Variants in EYA1 observed in about 807,000 individuals in gnomAD.
EYA1 encodes protein phosphatase EYA1.
EYA1 carries 16 observed loss-of-function variants against 82.0 expected under a neutral mutation model. The ratio of observed to expected loss-of-function variants is 0.20; its 90% CI spans 0.13 to 0.30. The LOEUF (loss-of-function observed/expected upper bound fraction) is 0.30, where lower values mean the gene tolerates loss of function less well. Ranked by LOEUF, EYA1 falls within the 10% of genes least tolerant of loss-of-function variation. EYA1 has a pLI of 1.00. For missense variants in EYA1, 633 were observed against 730.7 expected (o/e 0.87, Z 1.54); for synonymous variants, 261 against 264.4 (o/e 0.99, Z 0.12).
chr8:71,250,762 T>C (rs1440753650), intron 11 of EYA1, among the ~76,000 whole-genome samples: 1 of 152,190 alleles, frequency 6.6e-6, no homozygotes, highest in African/African-American at 2.4e-5. Context: ...TATATCCTTA[T>C]CTGTATATCC....
upstream of EYA1, among the ~76,000 whole-genome samples, chr8:71,365,775 T>C (rs12543430): frequency 0.61 from 92,971 of 151,956 alleles, 28,762 homozygotes; most frequent in Middle Eastern, 0.7. Flanking sequence ...CCCACCAGCA[T>C]GAGACCTACA....
intron 2 of EYA1, among the ~76,000 whole-genome samples, chr8:71,451,315 A>AT (rs1289308942): frequency 6.6e-6 from 1 of 152,226 alleles, no homozygotes; most frequent in Non-Finnish European, 1.5e-5. Flanking sequence ...ACAGAAGAAT[A>AT]TTTTTTAAAA....
chr8:71,512,476 CAG>C (rs1812677219), intron 2 of EYA1, among the ~76,000 whole-genome samples: 2 of 149,818 alleles, frequency 1.3e-5, no homozygotes, highest in African/African-American at 4.9e-5. Flanking sequence ...TAGGAAGAAA[CAG>C]GAGAAAAAAA....
intron 2 of EYA1, chr8:71,529,475 T>C (rs977027119): frequency 1.3e-5 from 2 of 152,132 alleles, no homozygotes; most frequent in African/African-American, 4.8e-5. Context: ...AAGGGTTAAA[T>C]CTCCCCATCT....
At chr8:71,226,131 A>G (rs2128873497) in intron 12 of EYA1, among the ~76,000 whole-genome samples, 1 of 152,286 alleles carries the variant, frequency 6.6e-6, no homozygotes, top group Non-Finnish European at 1.5e-5. Flanking sequence ...ATTATGGTAA[A>G]TATTTGAGAT....
At chr8:71,445,415 C>T (rs1806801618) in intron 2 of EYA1, among the ~76,000 whole-genome samples, 1 of 152,076 alleles carries the variant, frequency 6.6e-6, no homozygotes, top group Non-Finnish European at 1.5e-5. Context: ...TAAAAACTAT[C>T]GGTTAAGTAA....
At chr8:71,274,607 A>C (rs1319244045) in intron 9 of EYA1, among the ~76,000 whole-genome samples, 1 of 152,218 alleles carries the variant, frequency 6.6e-6, no homozygotes, top group Non-Finnish European at 1.5e-5. Flanking sequence ...TGTAGCAAAC[A>C]GACATGGTTC....
At chr8:71,503,146 A>G (rs1368342019) in intron 2 of EYA1, among the ~76,000 whole-genome samples, 1 of 152,116 alleles carries the variant, frequency 6.6e-6, no homozygotes, top group Non-Finnish European at 1.5e-5. Flanking sequence ...TTCACTAAAT[A>G]CTTAATAAAG....
intron 2 of EYA1, among the ~76,000 whole-genome samples, chr8:71,518,674 T>A (rs1383391753): frequency 1.3e-5 from 2 of 152,054 alleles, no homozygotes; most frequent in Admixed American, 6.6e-5. Flanking sequence ...ATCAACCCAA[T>A]GCAAAAACAA....
chr8:71,279,128 C>A (rs1011811750), intron 9 of EYA1, among the ~76,000 whole-genome samples: 5 of 152,116 alleles, frequency 3.3e-5, no homozygotes, highest in African/African-American at 1.2e-4. Context: ...TTCATGAAAT[C>A]CTTAGAAAGA....
chr8:71,466,414 G>A (rs2129196224), intron 2 of EYA1, among the ~76,000 whole-genome samples: 1 of 152,214 alleles, frequency 6.6e-6, no homozygotes, highest in African/African-American at 2.4e-5. Flanking sequence ...GAAGAGAATA[G>A]CACTTAAAAT....
chr8:71,445,688 G>A (rs1806819125), intron 2 of EYA1, among the ~76,000 whole-genome samples: 1 of 152,068 alleles, frequency 6.6e-6, no homozygotes, highest in South Asian at 2.1e-4. Flanking sequence ...CCAGGCTGGA[G>A]TGTGCAGTGG....
intron 4 of EYA1, among the ~76,000 whole-genome samples, chr8:71,329,065 T>C (rs896038767): frequency 2.6e-5 from 4 of 152,192 alleles, no homozygotes; most frequent in Admixed American, 2.0e-4. Context: ...AGACCGAGGA[T>C]TAATCCCATA....
At chr8:71,411,539 A>C (rs1248147040) in intron 2 of EYA1, among the ~76,000 whole-genome samples, 1 of 148,314 alleles carries the variant, frequency 6.7e-6, no homozygotes, top group African/African-American at 2.5e-5. Context: ...TGCAAGAAAA[A>C]AACAAACAAC....
At chr8:71,349,161 C>T (rs1363499357) in intron 3 of EYA1, among the ~76,000 whole-genome samples, 3 of 152,134 alleles carry the variant, frequency 2.0e-5, no homozygotes, top group African/African-American at 7.2e-5. Context: ...ACAATGTGCA[C>T]CTGGACCACA....
intron 12 of EYA1, among the ~76,000 whole-genome samples, chr8:71,219,237 T>C (rs1165228588): frequency 6.6e-6 from 1 of 152,212 alleles, no homozygotes; most frequent in Non-Finnish European, 1.5e-5. Flanking sequence ...AGCTTAGCTC[T>C]TAGTGTCAAC....
chr8:71,228,455 A>G (rs1293597865), intron 12 of EYA1, among the ~76,000 whole-genome samples: 1 of 152,156 alleles, frequency 6.6e-6, no homozygotes, highest in Non-Finnish European at 1.5e-5. Flanking sequence ...CGAAAGGAAA[A>G]AAAAAAGGGA....
chr8:71,294,865 A>C (rs1206194178), intron 9 of EYA1, among the ~76,000 whole-genome samples: 1 of 152,232 alleles, frequency 6.6e-6, no homozygotes, highest in Non-Finnish European at 1.5e-5. Flanking sequence ...TAATCAAGAC[A>C]GAGTGGTATT....
chr8:71,203,815 A>G (rs187268517), intron 17 of EYA1, among the ~76,000 whole-genome samples: 29 of 152,322 alleles, frequency 1.9e-4, no homozygotes, highest in Non-Finnish European at 3.8e-4. Flanking sequence ...AGGTAGAATT[A>G]CAGTGGAAAT....
Sources: gnomAD v4.1 joint callset for allele counts (sites outside exome capture counted in the v4.1 genomes callset) on GRCh38, gnomAD v4.1.1 for gene constraint, MANE v1.5 for transcripts, NCBI Gene and HGNC (gene_info 2026-07-23, HGNC 2026-07-21) for gene names.